The following SERPINA12 variants were observed in gnomAD, a reference collection of about 807,000 sequenced individuals.
SERPINA12 encodes serpin family A member 12.
A neutral mutation model predicts 25.9 loss-of-function variants in SERPINA12; 21 were observed. The observed-to-expected ratio is 0.81, with a 90% confidence interval of 0.58 to 1.17. The LOEUF is 1.17. Among genes scored for constraint, SERPINA12 ranks in the 50% most tolerant of loss-of-function variants. The probability of loss-of-function intolerance (pLI) is 0.00; values close to 1 mark genes in which losing one functional copy is unlikely to be tolerated. For synonymous variants in SERPINA12, 220 were observed against 196.0 expected, an observed-to-expected ratio of 1.12 and a Z score of -1.02; for missense variants, 562 against 508.3, an observed-to-expected ratio of 1.11 and a Z score of -1.02.
At chr14:94,492,846 A>T (rs1900234925) in intron 3 of SERPINA12, among the ~76,000 whole-genome samples, 1 of 152,146 alleles carries the variant, frequency 6.6e-6, no homozygotes, top group East Asian at 1.9e-4. Flanking sequence ...TTCTGCTCCT[A>T]AAGGTGGACC....
At chr14:94,507,940 G>C (rs1351521603) in intron 1 of SERPINA12, among the ~76,000 whole-genome samples, 1 of 152,218 alleles carries the variant, frequency 6.6e-6, no homozygotes, top group Non-Finnish European at 1.5e-5. Flanking sequence ...AAACAACCCA[G>C]ATGTCCATTT....
chr14:94,515,638 C>T (rs79981393), intron 2 of SERPINA12, among the ~76,000 whole-genome samples: 4 of 152,168 alleles, frequency 2.6e-5, no homozygotes, highest in African/African-American at 9.7e-5. Context: ...GATACTCAAA[C>T]GGCCAAAATC....
intron 3 of SERPINA12, 39 bp downstream of exon 3, chr14:94,496,334 G>A: frequency 6.2e-7 from 1 of 1,610,818 alleles, no homozygotes; most frequent in Non-Finnish European, 8.5e-7. Flanking sequence ...GGGAAGACAA[G>A]AGAAGGAAAA....
chr14:94,488,763 A>T (rs537021116), intron 4 of SERPINA12, among the ~76,000 whole-genome samples: 39 of 152,262 alleles, frequency 2.6e-4, no homozygotes. Context: ...TTGCTTGGTC[A>T]TCTCTTCCTA....
At chr14:94,492,054 G>A (rs2281608) in intron 3 of SERPINA12, among the ~76,000 whole-genome samples, 14,660 of 152,190 alleles carry the variant, frequency 0.096, 856 homozygotes, top group Middle Eastern at 0.16. Flanking sequence ...ATTGAGGAGG[G>A]GAGAGGTGGG....
rs763897681 is a variant in SERPINA12 at position 94,497,776 on chromosome 14, T to C, written c.622A>G (p.Ile208Val). The change falls in exon 2 of 5, where the codon ATT becomes GTT. Residue 208 changes from isoleucine to valine, a missense_variant. Ile to Val is a conservative substitution (Grantham distance 29). Coordinates refer to ENST00000677451, the MANE Select transcript of SERPINA12 (RefSeq NM_001382267.1). ...PGTVMLLANY[I>V]FFRARWKHEF... The stretch of plus-strand genomic sequence containing the variant: ...CCAAAAGCCTTACCTCGAAAGAAAA[T>C]ATAATTTGCAAGAAGCATCACAGTG... 1.4e-5 allele frequency: 23 copies of C among 1,603,932 alleles called. No homozygotes were observed. The highest frequency in any genetic ancestry group is 2.2e-5 in the South Asian group (2 of 89,384).
intron 1 of SERPINA12, among the ~76,000 whole-genome samples, chr14:94,516,472 T>C (rs1341885388): frequency 6.6e-6 from 1 of 152,174 alleles, no homozygotes; most frequent in Non-Finnish European, 1.5e-5. Flanking sequence ...TGGTGAGGGC[T>C]GGAAGAGCCC....
At chr14:94,493,639 C>G (rs1595687553) in intron 3 of SERPINA12, among the ~76,000 whole-genome samples, 1 of 151,874 alleles carries the variant, frequency 6.6e-6, no homozygotes. Context: ...GCAGCCTACA[C>G]TCTACACTTG....
At chr14:94,502,541 C>T (rs7159069) in intron 1 of SERPINA12, among the ~76,000 whole-genome samples, 13,733 of 152,222 alleles carry the variant, frequency 0.09, 873 homozygotes, top group African/African-American at 0.17. Context: ...ACAGGGATAA[C>T]ACACACAGGC....
intron 3 of SERPINA12, among the ~76,000 whole-genome samples, chr14:94,490,610 G>C (rs1851649889): frequency 6.6e-6 from 1 of 151,868 alleles, no homozygotes; most frequent in Non-Finnish European, 1.5e-5. Flanking sequence ...CTAACACCAA[G>C]AGATCTCTCT....
chr14:94,492,721 G>A (rs1272983477), intron 3 of SERPINA12, among the ~76,000 whole-genome samples: 1 of 152,218 alleles, frequency 6.6e-6, no homozygotes, highest in African/African-American at 2.4e-5. Flanking sequence ...CAGCTGTGCT[G>A]ACAGGTGAGT....
At chr14:94,501,307 T>C (rs936482375) in intron 1 of SERPINA12, among the ~76,000 whole-genome samples, 6 of 151,962 alleles carry the variant, frequency 3.9e-5, no homozygotes, top group Admixed American at 1.3e-4. Flanking sequence ...TCAGCAGCGG[T>C]GAAACCAGCA....
intron 3 of SERPINA12, among the ~76,000 whole-genome samples, chr14:94,495,679 C>T (rs982228280): frequency 6.6e-6 from 1 of 152,058 alleles, no homozygotes; most frequent in Non-Finnish European, 1.5e-5. Context: ...GTGGAAACTG[C>T]CCACTCTGCT....
intron 1 of SERPINA12, among the ~76,000 whole-genome samples, chr14:94,501,408 G>C (rs1448506010): frequency 6.6e-6 from 1 of 152,168 alleles, no homozygotes; most frequent in Non-Finnish European, 1.5e-5. Flanking sequence ...ACACTCTGTG[G>C]CACGCACAGC....
Position 94,487,453 on chromosome 14 carries a change from C to A in SERPINA12, c.1095G>T (p.Thr365=). The A allele has an allele frequency of 6.2e-7, 1 of 1,614,040 alleles. No individual in the cohort carries two copies. The highest frequency in any genetic ancestry group is 8.5e-7 in the Non-Finnish European group (1 of 1,179,974). ...KAELKMDERG[T]EGAAGTGAQT... ...GTGCTCCGGTGCCAGCGGCCCCTTC[C>A]GTACCCCTCTCATCCATCTTCAGCT... The change falls in exon 5 of 5, where the codon ACG becomes ACT. Residue 365 remains threonine, a synonymous_variant. Transcript: ENST00000677451.
chr14:94,492,483 A>G (rs757365071), intron 3 of SERPINA12, among the ~76,000 whole-genome samples: 1 of 152,202 alleles, frequency 6.6e-6, no homozygotes, highest in Non-Finnish European at 1.5e-5. Flanking sequence ...AGCCACTTCT[A>G]TGAGCTGTAA....
chr14:94,502,341 G>T lies in SERPINA12; in HGVS notation c.-33-3911C>A, dbSNP rs1162639436. Among the ~76,000 whole-genome samples the T allele has an allele frequency of 2.0e-5, 3 of 152,280 alleles. No homozygotes were observed. In the East Asian group the frequency reaches 5.8e-4, roughly 29 times the overall value. ...CAGATGGGAAGCGTCCGCACAGGTAGCATAGGCGGCTTAAGTCTACACGAG... is the reference window on the plus strand; with the variant it reads ...CAGATGGGAAGCGTCCGCACAGGTATCATAGGCGGCTTAAGTCTACACGAG... On this transcript the variant is annotated intron_variant, in intron 1 of 4. Transcript: ENST00000677451.
intron 1 of SERPINA12, among the ~76,000 whole-genome samples, chr14:94,500,629 C>A (rs1900677046): frequency 6.6e-6 from 1 of 152,110 alleles, no homozygotes; most frequent in Admixed American, 6.5e-5. Context: ...CTGTCTCTTT[C>A]CTGGGATGTC....
Position 94,498,110 on chromosome 14 carries a change from G to T in SERPINA12, c.288C>A (p.Asp96Glu). The T allele has an allele frequency of 6.2e-7, 1 of 1,614,120 alleles. No individual in the cohort carries two copies. Among genetic ancestry groups the T allele is most frequent in the Non-Finnish European group, 8.5e-7 (1 of 1,180,030 alleles). Reference protein sequence around the residue: ...LCLGAQDSTLDEIKQGFNFRK... With the variant: ...LCLGAQDSTLEEIKQGFNFRK... ...TGAAGTTGAACCCCTGCTTGATCTC[G>T]TCCAGGGTGCTGTCCTGGGCACCCA... The change falls in exon 2 of 5, where the codon GAC becomes GAA. Residue 96 changes from aspartate (D) to glutamate (E), a missense_variant. By Grantham distance (45) the Asp-to-Glu change is conservative. Transcript: ENST00000677451.
Sources: gnomAD v4.1 joint callset for allele counts (sites outside exome capture counted in the v4.1 genomes callset) on GRCh38, gnomAD v4.1.1 for gene constraint, MANE v1.5 for transcripts, NCBI Gene and HGNC (gene_info 2026-07-23, HGNC 2026-07-21) for gene names.